The following ZMYM5 variants were observed in gnomAD, a reference collection of about 807,000 sequenced individuals.
ZMYM5 encodes zinc finger MYM-type protein 5.
Under a neutral mutation model 61.8 loss-of-function variants are expected in ZMYM5, and 41 were observed. That is an observed-to-expected ratio of 0.66 (90% confidence interval 0.52 to 0.86). The LOEUF (loss-of-function observed/expected upper bound fraction) is 0.86. Among genes scored for constraint, ZMYM5 ranks in the 40% least tolerant of loss-of-function variants. The pLI, the probability that ZMYM5 is intolerant of heterozygous loss-of-function variation, is 0.00. For synonymous variants in ZMYM5, 257 were observed against 276.4 expected (o/e 0.93, Z 0.70); for missense variants, 706 against 786.7 (o/e 0.90, Z 1.23).
chr13:19,835,412 C>T, intron 7 of ZMYM5, 65 bp downstream of exon 7: 1 of 1,102,756 alleles, frequency 9.1e-7, no homozygotes, highest in Non-Finnish European at 1.2e-6. Context: ...AAATCCGGTT[C>T]ATGTAAGATG....
In ZMYM5 at chr13:19,837,819, T is replaced by A. The variant is rs772187388; in HGVS notation, c.875A>T (p.Asp292Val). Residue 292 changes from aspartate (D) to valine (V), a missense_variant and splice_region_variant, in exon 6 of 8, where the codon GAT becomes GTT. Around this residue, in one of 2 missense-constraint regions of ZMYM5, gnomAD observed 480 missense variants for 461.7 expected, o/e 1.04. Coordinates refer to ENST00000337963, the MANE Select transcript of ZMYM5 (RefSeq NM_001142684.2). Reference protein sequence around the residue: ...QNTRSIICKKDASTKKANVIL... With the variant: ...QNTRSIICKKVASTKKANVIL... ...GACATTAGCCTTCTTTGTAGATGCA[T>A]CTCTGAAACAGAAGGGATAGACACA... The A allele has an allele frequency of 1.9e-6, 3 of 1,585,986 alleles. No individual in the cohort carries two copies. Among genetic ancestry groups the A allele is most frequent in the Non-Finnish European group, 1.7e-6 (2 of 1,174,048 alleles).
At chr13:19,825,686 C>T (rs1281946845) in intron 7 of ZMYM5, among the ~76,000 whole-genome samples, 1 of 150,576 alleles carries the variant, frequency 6.6e-6, no homozygotes, top group African/African-American at 2.4e-5. Context: ...GTGACAAGTC[C>T]CAAAAGAAGA....
chr13:19,837,587 A>G (rs1316964284), intron 6 of ZMYM5, 69 bp downstream of exon 6: 1 of 1,606,404 alleles, frequency 6.2e-7, no homozygotes, highest in Non-Finnish European at 8.5e-7. Flanking sequence ...GAAAGAGTAC[A>G]TAATAGCACT....
At chr13:19,859,485 C>T (rs1953644832) in intron 2 of ZMYM5, among the ~76,000 whole-genome samples, 1 of 152,102 alleles carries the variant, frequency 6.6e-6, no homozygotes, top group Non-Finnish European at 1.5e-5. Context: ...TCACTGCAAG[C>T]TCCACCTCCC....
chr13:19,838,059 T>A (rs1385673971), intron 5 of ZMYM5, among the ~76,000 whole-genome samples: 1 of 149,136 alleles, frequency 6.7e-6, no homozygotes, highest in Non-Finnish European at 1.5e-5. Context: ...CACAAGTTTT[T>A]AAGATTTTTA....
chr13:19,843,835 CAAA>C (rs550862924), intron 4 of ZMYM5, among the ~76,000 whole-genome samples: 4 of 78,308 alleles, frequency 5.1e-5, no homozygotes, highest in Admixed American at 1.5e-4. Context: ...GACTCTGTCT[CAAA>C]AAAAAAAAAA....
At position 19,851,394 on chromosome 13, in the gene ZMYM5, A is replaced by G; in HGVS notation, c.547T>C (p.Leu183=). 6.2e-7 allele frequency: 1 copy of G among 1,614,158 alleles called. No individual in the cohort carries two copies. The change falls in exon 4 of 8, where the codon TTA becomes CTA. Residue 183 remains leucine (L), a synonymous_variant. Coordinates refer to ENST00000337963, the MANE Select transcript of ZMYM5 (RefSeq NM_001142684.2). ...NPGRMNVAGD[L]FQNGEFATHH... ...GTTGCAAATTCTCCATTCTGAAATA[A>G]GTCTCCTGCCACATTCATTCTACCA...
intron 4 of ZMYM5, among the ~76,000 whole-genome samples, chr13:19,850,334 T>C (rs776616009): frequency 6.6e-6 from 1 of 152,168 alleles, no homozygotes; most frequent in Non-Finnish European, 1.5e-5. Context: ...TCGCAGTGGC[T>C]CACACCTGTA....
At chr13:19,858,005 C>T (rs1415155580) in intron 2 of ZMYM5, among the ~76,000 whole-genome samples, 1 of 150,886 alleles carries the variant, frequency 6.6e-6, no homozygotes, top group African/African-American at 2.4e-5. Flanking sequence ...AGAGCAAGAC[C>T]CTGTCTCAAA....
At chr13:19,862,840 G>T (rs913962590) in intron 1 of ZMYM5, among the ~76,000 whole-genome samples, 1 of 152,230 alleles carries the variant, frequency 6.6e-6, no homozygotes, top group Non-Finnish European at 1.5e-5. Flanking sequence ...AGAGGTAACG[G>T]GCGGCGCGCA....
chr13:19,856,556 C>T (rs1720596904), intron 2 of ZMYM5, among the ~76,000 whole-genome samples: 2 of 151,990 alleles, frequency 1.3e-5, no homozygotes, highest in African/African-American at 4.8e-5. Flanking sequence ...AGGAGAATCG[C>T]CTGAACCCGG....
chr13:19,854,022 T>A (rs1301525063), intron 2 of ZMYM5, among the ~76,000 whole-genome samples: 1 of 152,130 alleles, frequency 6.6e-6, no homozygotes, highest in African/African-American at 2.4e-5. Flanking sequence ...AACATGCTTT[T>A]TTATTGGAGA....
chr13:19,852,870 G>C (rs1257318343), intron 2 of ZMYM5, among the ~76,000 whole-genome samples: 1 of 152,164 alleles, frequency 6.6e-6, no homozygotes, highest in Non-Finnish European at 1.5e-5. Context: ...TCTTTTGAGA[G>C]AGGGTCTGGC....
intron 7 of ZMYM5, 23 bp downstream of exon 7, chr13:19,835,454 T>C (rs1465089216): frequency 7.4e-7 from 1 of 1,343,128 alleles, no homozygotes; most frequent in Non-Finnish European, 1.0e-6. Context: ...TTTGATCATT[T>C]AAAGCTCATG....
Position 19,835,694 on chromosome 13 carries a change from A to C in ZMYM5, c.1039-5T>G. The C allele has an allele frequency of 7.3e-7, 1 of 1,366,692 alleles. No homozygotes were observed. The allele number at this position is 1,366,692 out of a possible 1,614,324, so 84.7% of individuals were successfully genotyped here. ...TACGCTGACTTCATGGCGAATCTAAAAGAAAAACCAGAATTCATTAACTAA... is the reference window on the plus strand; with the variant it reads ...TACGCTGACTTCATGGCGAATCTAACAGAAAAACCAGAATTCATTAACTAA... On this transcript the variant is annotated splice_region_variant and splice_polypyrimidine_tract_variant and intron_variant, in intron 6 of 7. Transcript: ENST00000337963.
intron 7 of ZMYM5, among the ~76,000 whole-genome samples, chr13:19,827,593 A>G (rs115564760): frequency 0.012 from 1,778 of 152,306 alleles, 35 homozygotes; most frequent in African/African-American, 0.039. Flanking sequence ...TGAGGTCACC[A>G]TATCTGTCAG....
intron 4 of ZMYM5, chr13:19,841,920 C>T (rs1490385440): frequency 6.6e-6 from 1 of 152,116 alleles, no homozygotes; most frequent in Non-Finnish European, 1.5e-5. Flanking sequence ...GGGTTTGCAC[C>T]ATTCTCCTGC....
intron 4 of ZMYM5, among the ~76,000 whole-genome samples, chr13:19,840,476 C>T (rs929398549): frequency 6.6e-6 from 1 of 152,204 alleles, no homozygotes; most frequent in Non-Finnish European, 1.5e-5. Context: ...TGGGCTCAAG[C>T]GATCCTCCCA....
chr13:19,836,638 T>G (rs1952683501), intron 6 of ZMYM5, among the ~76,000 whole-genome samples: 1 of 152,140 alleles, frequency 6.6e-6, no homozygotes, highest in Non-Finnish European at 1.5e-5. Flanking sequence ...GTATTGTAAG[T>G]AAAGTTCACT....
Sources: allele counts gnomAD v4.1 joint callset (sites outside exome capture counted in the v4.1 genomes callset), GRCh38; gene constraint gnomAD v4.1.1; regional missense constraint gnomAD v4.1.1; transcripts MANE v1.5; gene names NCBI Gene and HGNC (gene_info 2026-07-23, HGNC 2026-07-21).